The following FMO3 variants were observed in gnomAD, a reference collection of about 807,000 sequenced individuals.
The protein encoded by FMO3 is flavin-containing monooxygenase 3.
In FMO3, 40 loss-of-function variants were observed where a neutral mutation model predicts 39.4. That is an observed-to-expected ratio of 1.02 (90% CI 0.79 to 1.32). FMO3 has a LOEUF of 1.32. Ranked by LOEUF, FMO3 falls within the 40% of genes most tolerant of loss-of-function variation. The pLI, the probability that FMO3 is intolerant of heterozygous loss-of-function variation, is 0.00. For synonymous variants in FMO3, 219 were observed against 228.8 expected, an observed-to-expected ratio of 0.96 and a Z score of 0.39; for missense variants, 680 against 651.8, an observed-to-expected ratio of 1.04 and a Z score of -0.47.
In FMO3 at chr1:171,114,343, G is replaced by C; in HGVS notation, c.1164G>C (p.Trp388Cys). 8.1e-6 allele frequency: 13 copies of C among 1,613,250 alleles called. No individual in the cohort carries two copies. The highest frequency in any genetic ancestry group is 1.1e-5 in the Non-Finnish European group (13 of 1,179,510). ...CCACAGTTGACCTCCAGTCCCGCTG[G>C]GCAGCACAAGTAATAAAGGGTAAGT... is the stretch of plus-strand genomic sequence containing the variant. ...AIPTVDLQSR[W>C]AAQVIKGTCT... Residue 388 changes from tryptophan (W) to cysteine (C), a missense_variant, in exon 7 of 9, where the codon TGG becomes TGC. By Grantham distance (215) the Trp-to-Cys change is radical. Transcript: ENST00000367755.
At chr1:171,096,077 T>TAC (rs1266321573) in intron 2 of FMO3, among the ~76,000 whole-genome samples, 2 of 75,888 alleles carry the variant, frequency 2.6e-5, no homozygotes. Context: ...TATATTAATA[T>TAC]ATAATATATA....
intron 2 of FMO3, among the ~76,000 whole-genome samples, chr1:171,097,855 A>G (rs1655178504): frequency 6.6e-6 from 1 of 152,070 alleles, no homozygotes; most frequent in Non-Finnish European, 1.5e-5. Flanking sequence ...TTTAGACATG[A>G]AGTCCTTGCC....
intron 3 of FMO3, among the ~76,000 whole-genome samples, chr1:171,107,215 T>C (rs1235463700): frequency 1.3e-5 from 2 of 152,202 alleles, no homozygotes; most frequent in South Asian, 2.1e-4. Context: ...AGGAGTGTGT[T>C]AGAAATTTGA....
chr1:171,116,189 G>T lies in FMO3; in HGVS notation c.1184-19G>T. On this transcript the variant is annotated intron_variant, in intron 7 of 8. Coordinates refer to ENST00000367755, the MANE Select transcript of FMO3 (RefSeq NM_001002294.3). Reference sequence around the variant, plus strand: ...TGCCAGACTCATTAATTACCATCGTGTCTTTCCTTCTTTATCAGGAACTTG... The same window carrying T: ...TGCCAGACTCATTAATTACCATCGTTTCTTTCCTTCTTTATCAGGAACTTG... 1 of 1,519,652 alleles carries T rather than the reference G, an allele frequency of 6.6e-7. No homozygotes were observed. Among genetic ancestry groups the T allele is most frequent in the Non-Finnish European group, 9.1e-7 (1 of 1,094,378 alleles). 94.1% of individuals were successfully genotyped at this position (1,519,652 alleles called of 1,614,324 possible).
chr1:171,114,652 C>T (rs991072456), intron 7 of FMO3, among the ~76,000 whole-genome samples: 1 of 152,154 alleles, frequency 6.6e-6, no homozygotes, highest in Non-Finnish European at 1.5e-5. Context: ...AAGCTCACAT[C>T]CACTTAAGAC....
Position 171,092,740 on chromosome 1 carries a change from C to T in FMO3, c.82C>T (p.Pro28Ser), listed in dbSNP as rs866579879. Residue 28 changes from proline to serine, a missense_variant, in exon 2 of 9, where the codon CCC becomes TCC. By Grantham distance (74) the Pro-to-Ser change is moderately conservative. Coordinates refer to ENST00000367755, the MANE Select transcript of FMO3 (RefSeq NM_001002294.3). ...IRSCLEEGLEPTCFEKSNDIG... is the reference protein window; with the variant it reads ...IRSCLEEGLESTCFEKSNDIG... The stretch of plus-strand genomic sequence containing the variant: ...GAGCTGTCTGGAAGAGGGGCTGGAG[C>T]CCACCTGCTTTGAGAAGAGCAATGA... 6.8e-6 allele frequency: 11 copies of T among 1,613,860 alleles called. No individual in the cohort carries two copies. The highest frequency in any genetic ancestry group is 9.3e-6 in the Non-Finnish European group (11 of 1,179,994).
intron 2 of FMO3, among the ~76,000 whole-genome samples, chr1:171,093,601 G>C (rs970102180): frequency 6.6e-6 from 1 of 151,782 alleles, no homozygotes; most frequent in Non-Finnish European, 1.5e-5. Context: ...TGGACAACAA[G>C]GTTGATTCCA....
chr1:171,091,774 G>C (rs1399599829), intron 1 of FMO3, among the ~76,000 whole-genome samples: 2 of 152,102 alleles, frequency 1.3e-5, no homozygotes, highest in African/African-American at 4.8e-5. Context: ...TTTTAATTGA[G>C]AAGGTGAAGT....
intron 2 of FMO3, among the ~76,000 whole-genome samples, chr1:171,098,411 C>A (rs1655204785): frequency 6.6e-6 from 1 of 152,166 alleles, no homozygotes; most frequent in Non-Finnish European, 1.5e-5. Context: ...ATTGATTCTT[C>A]CTATCCATGA....
Position 171,108,057 on chromosome 1 carries a change from G to A in FMO3, c.485-22G>A, listed in dbSNP as rs1920149. On this transcript the variant is annotated intron_variant, in intron 4 of 8. Transcript: ENST00000367755. The stretch of plus-strand genomic sequence containing the variant: ...TTAAATATATGACTCAAACTGCCAT[G>A]TATTTCTCACTTTTCACTCAGGACT... 0.49 allele frequency: 782,495 copies of A among 1,610,230 alleles called. 193,563 individuals are homozygous for A. The highest frequency in any genetic ancestry group is 0.71 in the African/African-American group (52,796 of 74,826).
rs957571850 is a variant in FMO3, at chr1:171,104,073, T to C, written c.321+100T>C. On this transcript the variant is annotated intron_variant, in intron 3 of 8. Coordinates refer to ENST00000367755, the MANE Select transcript of FMO3 (RefSeq NM_001002294.3). ...TTCCTTTCAGTTTCCCTTTCTAATT[T>C]GTCAACATTTTTAACAGTGTGGCCT... 11 of 916,376 alleles carry C rather than the reference T, an allele frequency of 1.2e-5. No homozygotes were observed. The African/African-American group carries it at 1.6e-4, about 14-fold the overall frequency. The allele number at this position is 916,376 out of a possible 1,614,324, so 56.8% of individuals were successfully genotyped here. A position where few individuals can be genotyped will look rare whatever the true frequency, so the allele number is the denominator to read the frequency against.
intron 2 of FMO3, 62 bp from the exon 3 acceptor site, chr1:171,103,723 C>G: frequency 1.4e-6 from 2 of 1,388,528 alleles, no homozygotes; most frequent in Non-Finnish European, 2.1e-6. Context: ...TGGAACCAGC[C>G]CTGACCATGA....
intron 2 of FMO3, chr1:171,100,618 T>G (rs762756143): frequency 1.9e-5 from 3 of 154,706 alleles, no homozygotes; most frequent in Non-Finnish European, 4.3e-5. Flanking sequence ...ATTTATATGA[T>G]GATGAGATTT....
Position 171,117,176 on chromosome 1 carries a change from C to A in FMO3, c.1333C>A (p.Pro445Thr). The A allele has an allele frequency of 6.2e-7, 1 of 1,614,162 alleles. No homozygotes were observed. Among genetic ancestry groups the A allele is most frequent in the Non-Finnish European group, 8.5e-7 (1 of 1,179,988 alleles). The change falls in exon 9 of 9, where the codon CCC becomes ACC. Residue 445 changes from proline to threonine, a missense_variant. Coordinates refer to ENST00000367755, the MANE Select transcript of FMO3 (RefSeq NM_001002294.3). ...DELSSFIGAK[P>T]NIPWLFLTDP... ...ACTCTCCTCCTTCATTGGGGCAAAG[C>A]CCAACATCCCATGGCTGTTTCTCAC...
At chr1:171,096,490 TACATA>T (rs1435064748) in intron 2 of FMO3, among the ~76,000 whole-genome samples, 2 of 106,178 alleles carry the variant, frequency 1.9e-5, no homozygotes, top group East Asian at 6.2e-4. Context: ...ATATATTAAA[TACATA>T]ATATACTTTA....
At chr1:171,109,082 T>C (rs1353277795) in intron 5 of FMO3, among the ~76,000 whole-genome samples, 1 of 152,208 alleles carries the variant, frequency 6.6e-6, no homozygotes, top group Non-Finnish European at 1.5e-5. Context: ...TGCATTATGG[T>C]ACTCAAATAC....
chr1:171,117,440 TA>T lies in FMO3; in HGVS notation c.1599del (p.Ter533TyrfsTer6), dbSNP rs1336100894. 6.2e-7 allele frequency: 1 copy of T among 1,610,796 alleles called. No individual in the cohort carries two copies. Among genetic ancestry groups the T allele is most frequent in the Non-Finnish European group, 8.5e-7 (1 of 1,177,462 alleles). On this transcript the variant is annotated frameshift_variant and stop_lost, in exon 9 of 9. Coordinates refer to ENST00000367755, the MANE Select transcript of FMO3 (RefSeq NM_001002294.3). LOFTEE classifies it high-confidence loss of function. Reference sequence around the variant, plus strand: ...AATCGCTGTTTTCCTTGTGTTGACCTAATCATCATTTTCTCTAGGATTTCTG... The same window carrying T: ...AATCGCTGTTTTCCTTGTGTTGACCTATCATCATTTTCTCTAGGATTTCTG... Reference protein sequence around the residue: ...LLIAVFLVLT* With the variant: ...LLIAVFLVLTX
chr1:171,096,057 A>T (rs866809667), intron 2 of FMO3, among the ~76,000 whole-genome samples: 3 of 50,592 alleles, frequency 5.9e-5, no homozygotes, highest in African/African-American at 1.6e-4. Flanking sequence ...TAAATATATA[A>T]TATATATTAT....
intron 3 of FMO3, among the ~76,000 whole-genome samples, chr1:171,104,365 A>G (rs144760960): frequency 7.4e-4 from 112 of 152,242 alleles, no homozygotes; most frequent in African/African-American, 2.6e-3. Context: ...TGTGGGAAAC[A>G]TAGGAAGCTA....
Sources: allele counts gnomAD v4.1 joint callset (sites outside exome capture counted in the v4.1 genomes callset), GRCh38; gene constraint gnomAD v4.1.1; transcripts MANE v1.5; gene names NCBI Gene and HGNC (gene_info 2026-07-23, HGNC 2026-07-21).